Variants in MDGA2 observed in about 807,000 individuals in gnomAD.
MDGA2 encodes the protein MAM domain containing glycosylphosphatidylinositol anchor 2.
In MDGA2, 40 loss-of-function variants were observed where a neutral mutation model predicts 117.8. That is an observed-to-expected ratio of 0.34 (90% confidence interval 0.26 to 0.44). The LOEUF is 0.44. Among genes scored for constraint, MDGA2 ranks in the 20% least tolerant of loss-of-function variants. MDGA2 has a pLI of 1.00. For synonymous variants in MDGA2, 452 were observed against 439.0 expected (o/e 1.03, Z -0.37); for missense variants, 1,123 against 1,250.6 (o/e 0.90, Z 1.54).
chr14:46,931,751 G>C (rs1367746986), intron 9 of MDGA2, among the ~76,000 whole-genome samples: 1 of 152,000 alleles, frequency 6.6e-6, no homozygotes. Flanking sequence ...TTGAACTCCT[G>C]ACCTCAGGTG....
At chr14:47,653,886 A>ATCTT (rs1897692043) in intron 1 of MDGA2, among the ~76,000 whole-genome samples, 2 of 152,194 alleles carry the variant, frequency 1.3e-5, no homozygotes. Context: ...AGTTGGGAAG[A>ATCTT]GCAAGGAAAT....
intron 7 of MDGA2, among the ~76,000 whole-genome samples, chr14:47,054,605 G>A (rs1889600289): frequency 6.6e-6 from 1 of 151,554 alleles, no homozygotes; most frequent in Non-Finnish European, 1.5e-5. Context: ...TGAGAATGAT[G>A]TACAAGGCTA....
intron 11 of MDGA2, among the ~76,000 whole-genome samples, chr14:46,879,031 AT>A (rs1024402877): frequency 2.6e-5 from 4 of 152,008 alleles, no homozygotes; most frequent in Non-Finnish European, 4.4e-5. Context: ...TGCATGTATA[AT>A]TTTTTTATAA....
At chr14:47,530,037 T>G (rs555675216) in intron 1 of MDGA2, among the ~76,000 whole-genome samples, 2 of 152,272 alleles carry the variant, frequency 1.3e-5, no homozygotes, top group Non-Finnish European at 2.9e-5. Context: ...GAGCCAACAG[T>G]GCATGATGTG....
In MDGA2 at chr14:46,892,323, A is replaced by T. The variant is rs1187777641; in HGVS notation, c.2239-10102T>A. 2.0e-5 allele frequency among the ~76,000 whole-genome samples: 3 copies of T among 151,846 alleles called. No homozygotes were observed. The East Asian group carries it at 5.8e-4, about 29-fold the overall frequency. On this transcript the variant is annotated intron_variant, in intron 10 of 16. Coordinates refer to ENST00000399232, the MANE Select transcript of MDGA2 (RefSeq NM_001113498.3). ...GAATATCCACATGCAAAAGAATGAA[A>T]CTGGCTCGTATCTTACACCATACAC...
At chr14:47,031,229 TACAC>T (rs35380035) in intron 8 of MDGA2, among the ~76,000 whole-genome samples, 4 of 148,622 alleles carry the variant, frequency 2.7e-5, no homozygotes, top group African/African-American at 9.8e-5. Flanking sequence ...TATATATATA[TACAC>T]ACACACACAC....
chr14:47,293,935 C>T (rs1474310587), intron 2 of MDGA2, among the ~76,000 whole-genome samples: 3 of 151,898 alleles, frequency 2.0e-5, no homozygotes, highest in African/African-American at 4.8e-5. Flanking sequence ...GGAAACAAAA[C>T]TATTTGAAGA....
intron 1 of MDGA2, among the ~76,000 whole-genome samples, chr14:47,646,079 C>CAAAAAAAAAAAAAAAAAAG (rs1897527423): frequency 9.3e-6 from 1 of 107,606 alleles, no homozygotes; most frequent in Non-Finnish European, 1.9e-5. Flanking sequence ...GACTCCGTCT[C>CAAAAAAAAAAAAAAAAAAG]AAAAAAAAAA....
At chr14:47,554,612 G>C (rs990855529) in intron 1 of MDGA2, among the ~76,000 whole-genome samples, 1 of 152,068 alleles carries the variant, frequency 6.6e-6, no homozygotes, top group Admixed American at 6.6e-5. Flanking sequence ...TACGTGTTTT[G>C]TTTGAATAAT....
Position 47,246,534 on chromosome 14 carries a change from T to C in MDGA2, c.421-28339A>G, listed in dbSNP as rs552388319. ...ATTGTTAGAAGAGACTACTGACAGG[T>C]ATAGGAGGTTGAGCTAGATGACTCC... On this transcript the variant is annotated intron_variant, in intron 2 of 16. Coordinates refer to ENST00000399232, the MANE Select transcript of MDGA2 (RefSeq NM_001113498.3). Among the ~76,000 whole-genome samples, 5 of 151,464 alleles carry C rather than the reference T, an allele frequency of 3.3e-5. No homozygotes were observed. In the East Asian group the frequency reaches 9.7e-4, roughly 29 times the overall value.
chr14:47,014,574 C>T (rs746702853), intron 8 of MDGA2, among the ~76,000 whole-genome samples: 14 of 152,182 alleles, frequency 9.2e-5, no homozygotes, highest in Non-Finnish European at 1.8e-4. Flanking sequence ...CTTCACCTTG[C>T]ACTTTTTATG....
intron 1 of MDGA2, among the ~76,000 whole-genome samples, chr14:47,635,807 C>T (rs1480242549): frequency 6.6e-6 from 1 of 151,352 alleles, no homozygotes; most frequent in African/African-American, 2.4e-5. Flanking sequence ...GAAAATTATT[C>T]ATGCCTTGTT....
chr14:47,204,498 G>C (rs1009912469), intron 3 of MDGA2, among the ~76,000 whole-genome samples: 2 of 151,882 alleles, frequency 1.3e-5, no homozygotes, highest in Admixed American at 6.6e-5. Context: ...TTCATTTTAG[G>C]TATACTTTGC....
At chr14:47,406,316 A>T (rs564809639) in intron 1 of MDGA2, among the ~76,000 whole-genome samples, 1 of 152,108 alleles carries the variant, frequency 6.6e-6, no homozygotes, top group Non-Finnish European at 1.5e-5. Context: ...TTAAAATGAC[A>T]AAATTATAAA....
chr14:46,874,875 G>T (rs1882161645), intron 12 of MDGA2, among the ~76,000 whole-genome samples: 1 of 151,138 alleles, frequency 6.6e-6, no homozygotes, highest in South Asian at 2.1e-4. Context: ...CAAGTTCAGA[G>T]AAAGACTTTT....
intron 1 of MDGA2, among the ~76,000 whole-genome samples, chr14:47,530,907 A>C (rs1895085045): frequency 6.6e-6 from 1 of 152,164 alleles, no homozygotes; most frequent in Non-Finnish European, 1.5e-5. Context: ...AATTAAGTTC[A>C]TGTAATCTGC....
At chr14:47,178,146 G>T (rs981739616) in intron 3 of MDGA2, among the ~76,000 whole-genome samples, 6 of 151,948 alleles carry the variant, frequency 3.9e-5, no homozygotes, top group African/African-American at 1.5e-4. Context: ...TAAAAAAAAA[G>T]TTAAAGGCAT....
chr14:47,191,678 ATGAGT>A (rs1475690792), intron 3 of MDGA2, among the ~76,000 whole-genome samples: 47 of 152,276 alleles, frequency 3.1e-4, no homozygotes, highest in African/African-American at 1.1e-3. Flanking sequence ...CCCACTAATA[ATGAGT>A]TGCTACTTTT....
At chr14:47,280,445 G>A (rs1318626581) in intron 2 of MDGA2, among the ~76,000 whole-genome samples, 1 of 151,602 alleles carries the variant, frequency 6.6e-6, no homozygotes, top group East Asian at 1.9e-4. Context: ...CGTTATAGTG[G>A]CTGTAGCAGG....
Sources: allele counts gnomAD v4.1 joint callset (sites outside exome capture counted in the v4.1 genomes callset), GRCh38; gene constraint gnomAD v4.1.1; transcripts MANE v1.5; gene names NCBI Gene and HGNC (gene_info 2026-07-23, HGNC 2026-07-21).